C2orf74: variants seen among roughly 807,000 people sequenced by gnomAD.
C2orf74 encodes the protein DPM1 ER membrane anchor 1.
Under a neutral mutation model 17.9 loss-of-function variants are expected in C2orf74, and 14 were observed. The observed-to-expected ratio is 0.78, with a 90% CI of 0.52 to 1.22. The LOEUF (loss-of-function observed/expected upper bound fraction) is 1.22. Among genes scored for constraint, C2orf74 ranks in the 50% most tolerant of loss-of-function variants. The pLI, the probability that C2orf74 is intolerant of heterozygous loss-of-function variation, is 0.00. For missense variants in C2orf74, 217 were observed against 218.4 expected (o/e 0.99, Z 0.04); for synonymous variants, 79 against 72.6 (o/e 1.09, Z -0.44).
intron 1 of C2orf74, among the ~76,000 whole-genome samples, chr2:61,148,094 A>G (rs115123211): frequency 0.018 from 2,654 of 148,984 alleles, 34 homozygotes; most frequent in Middle Eastern, 0.047. Context: ...TAACTTTGGA[A>G]AGGAATATAT....
intron 1 of C2orf74, among the ~76,000 whole-genome samples, chr2:61,155,601 A>C (rs1007694216): frequency 6.6e-6 from 1 of 151,956 alleles, no homozygotes; most frequent in African/African-American, 2.4e-5. Flanking sequence ...GCTCACTGCA[A>C]GCTCCACCTC....
intron 4 of C2orf74, among the ~76,000 whole-genome samples, chr2:61,163,787 A>C (rs776994775): frequency 9.9e-5 from 15 of 151,990 alleles, no homozygotes; most frequent in Non-Finnish European, 1.9e-4. Context: ...TCATTCTTAC[A>C]TTTATGTTTT....
intron 1 of C2orf74, among the ~76,000 whole-genome samples, chr2:61,147,566 T>C (rs148835888): frequency 3.3e-5 from 5 of 152,238 alleles, no homozygotes; most frequent in Non-Finnish European, 7.3e-5. Flanking sequence ...TGATTTTGTT[T>C]TCACTTTGCA....
chr2:61,146,856 C>T (rs28429218), intron 1 of C2orf74, among the ~76,000 whole-genome samples: 96 of 146,238 alleles, frequency 6.6e-4, no homozygotes, highest in African/African-American at 2.1e-3. Flanking sequence ...AAACAAAAAA[C>T]AAAAAAACTG....
chr2:61,147,492 C>T (rs1007836044), intron 1 of C2orf74, among the ~76,000 whole-genome samples: 3 of 152,184 alleles, frequency 2.0e-5, no homozygotes, highest in Admixed American at 2.0e-4. Flanking sequence ...GCTGCATGTC[C>T]TCACCAGTTC....
intron 1 of C2orf74, among the ~76,000 whole-genome samples, chr2:61,155,192 A>G (rs1359787353): frequency 6.6e-6 from 1 of 152,204 alleles, no homozygotes; most frequent in Admixed American, 6.6e-5. Context: ...TTCAACAAAG[A>G]GAAATAAAGC....
chr2:61,153,518 G>A (rs966537147), intron 1 of C2orf74, among the ~76,000 whole-genome samples: 4 of 151,264 alleles, frequency 2.6e-5, no homozygotes, highest in South Asian at 2.1e-4. Flanking sequence ...TCCTGACCTC[G>A]TGATTCACCC....
At position 61,162,244 on chromosome 2, in the gene C2orf74, G is replaced by A; in HGVS notation, c.-176G>A. 1 of 464,814 alleles carries A rather than the reference G, an allele frequency of 2.2e-6. No homozygotes were observed. The highest frequency in any genetic ancestry group is 3.8e-6 in the Non-Finnish European group (1 of 264,618). 28.8% of individuals were successfully genotyped at this position (464,814 alleles called of 1,614,324 possible). ...TTGGGGTGAGGGAGGTGAGCTGCGTGATCACACATGTCCCAGCTCAGTCTC... is the reference window on the plus strand; with the variant it reads ...TTGGGGTGAGGGAGGTGAGCTGCGTAATCACACATGTCCCAGCTCAGTCTC... On this transcript the variant is annotated 5_prime_UTR_variant, in exon 1 of 5. Transcript: ENST00000432605.
chr2:61,164,578 G>A lies in C2orf74; in HGVS notation c.*51G>A. ...GAAAATGTAACGTTTGACTAACGTT[G>A]AAAGACTGAGGGTACAAAATCATGT... On this transcript the variant is annotated 3_prime_UTR_variant, in exon 5 of 5. Coordinates refer to ENST00000432605, the MANE Select transcript of C2orf74 (RefSeq NM_001143959.4). The A allele has an allele frequency of 7.5e-7, 1 of 1,329,814 alleles. No individual in the cohort carries two copies. Among genetic ancestry groups the A allele is most frequent in the Non-Finnish European group, 1.0e-6 (1 of 1,001,362 alleles). 82.4% of individuals were successfully genotyped at this position (1,329,814 alleles called of 1,614,324 possible). A position where few individuals can be genotyped will look rare whatever the true frequency, so the allele number is the denominator to read the frequency against.
chr2:61,148,610 G>C (rs1384868827), intron 1 of C2orf74, among the ~76,000 whole-genome samples: 1 of 152,108 alleles, frequency 6.6e-6, no homozygotes, highest in African/African-American at 2.4e-5. Flanking sequence ...ATCCTCTTGC[G>C]TGAAATGCCT....
intron 1 of C2orf74, among the ~76,000 whole-genome samples, chr2:61,147,137 C>G (rs966509944): frequency 6.6e-6 from 1 of 151,888 alleles, no homozygotes; most frequent in African/African-American, 2.4e-5. Flanking sequence ...CCACTGCACT[C>G]CAGCCTAGGC....
intron 1 of C2orf74, among the ~76,000 whole-genome samples, chr2:61,147,801 T>C (rs1429499110): frequency 1.3e-5 from 2 of 152,104 alleles, no homozygotes; most frequent in East Asian, 3.8e-4. Flanking sequence ...TGAATCTTGC[T>C]CTGTCGCCCA....
At chr2:61,149,542 C>G (rs1277188433) in intron 1 of C2orf74, among the ~76,000 whole-genome samples, 1 of 150,252 alleles carries the variant, frequency 6.7e-6, no homozygotes, top group African/African-American at 2.5e-5. Flanking sequence ...ACTTTCTGGG[C>G]CAAGTTCCCC....
chr2:61,155,842 TA>T (rs1685376589), intron 1 of C2orf74, among the ~76,000 whole-genome samples: 1 of 144,210 alleles, frequency 6.9e-6, no homozygotes, highest in Admixed American at 7.0e-5. Context: ...GTGTTTTTTT[TA>T]AACAGTTTTA....
rs1685592264 is a variant in C2orf74 at position 61,162,545 on chromosome 2, T to G, written c.31T>G (p.Phe11Val). The change falls in exon 2 of 5, where the codon TTC becomes GTC. Residue 11 changes from phenylalanine to valine, a missense_variant. Physicochemically the swap from Phe to Val is conservative, Grantham distance 50. Coordinates refer to ENST00000432605, the MANE Select transcript of C2orf74 (RefSeq NM_001143959.4). MSFETTAITF[F>V]IILLICLICI... ...CTTTGAAACCACAGCAATCACTTTC[T>G]TCATCATCCTTCTAATTTGCCTCAT... 1.3e-6 allele frequency: 2 copies of G among 1,551,680 alleles called. No individual in the cohort carries two copies. The highest frequency in any genetic ancestry group is 1.7e-6 in the Non-Finnish European group (2 of 1,146,978).
intron 1 of C2orf74, chr2:61,151,396 T>A (rs1008559727): frequency 1.3e-5 from 2 of 148,680 alleles, no homozygotes; most frequent in African/African-American, 5.0e-5. Flanking sequence ...ACTAGATACC[T>A]ATTGCTGCAT....
At chr2:61,156,691 A>G (rs2103629116) in intron 1 of C2orf74, among the ~76,000 whole-genome samples, 1 of 152,170 alleles carries the variant, frequency 6.6e-6, no homozygotes, top group East Asian at 1.9e-4. Flanking sequence ...TGAGACCAGC[A>G]TGGGCAACAT....
intron 1 of C2orf74, among the ~76,000 whole-genome samples, chr2:61,152,363 A>C (rs1389000161): frequency 6.7e-6 from 1 of 149,896 alleles, no homozygotes; most frequent in Non-Finnish European, 1.5e-5. Flanking sequence ...AATATGGTGA[A>C]GCCCCATTTC....
At chr2:61,160,420 A>G (rs1486346177), upstream of C2orf74, among the ~76,000 whole-genome samples, 2 of 152,048 alleles carry the variant, frequency 1.3e-5, no homozygotes, top group Admixed American at 6.6e-5. Context: ...AGCCTCCCAA[A>G]GTGCTGGGAT....
Sources: allele counts gnomAD v4.1 joint callset (sites outside exome capture counted in the v4.1 genomes callset), GRCh38; gene constraint gnomAD v4.1.1; transcripts MANE v1.5; gene names NCBI Gene and HGNC (gene_info 2026-07-23, HGNC 2026-07-21).